CHST3: variants seen among roughly 807,000 people sequenced by gnomAD.
CHST3 encodes the protein carbohydrate sulfotransferase 3, also known as C6ST-1.
Under a neutral mutation model 35.4 loss-of-function variants are expected in CHST3, and 20 were observed. The observed-to-expected ratio is 0.57, with a 90% CI of 0.40 to 0.82. The LOEUF is 0.82. Ranked by LOEUF, CHST3 falls within the 40% of genes least tolerant of loss-of-function variation. The probability of loss-of-function intolerance (pLI) is 0.00; values close to 1 mark genes in which losing one functional copy is unlikely to be tolerated. For synonymous variants in CHST3, 334 were observed against 295.9 expected (o/e 1.13, Z -1.32); for missense variants, 693 against 670.1 (o/e 1.03, Z -0.38).
chr10:71,993,114 A>G (rs1839912923), intron 1 of CHST3, among the ~76,000 whole-genome samples: 1 of 152,168 alleles, frequency 6.6e-6, no homozygotes, highest in African/African-American at 2.4e-5. Flanking sequence ...TTCTCATCAC[A>G]TATCGTTAGT....
intron 1 of CHST3, among the ~76,000 whole-genome samples, chr10:72,000,236 C>G (rs1282848283): frequency 6.6e-6 from 1 of 152,210 alleles, no homozygotes; most frequent in Non-Finnish European, 1.5e-5. Context: ...TTCATTCATT[C>G]ATTCATTCAT....
Position 72,005,927 on chromosome 10 carries a change from G to A in CHST3, c.85G>A (p.Val29Ile), listed in dbSNP as rs751067074. ...KMRSKYALFLVFVVIVFVFIE... is the reference protein window; with the variant it reads ...KMRSKYALFLIFVVIVFVFIE... ...GAGAAGCAAATACGCCCTTTTCTTG[G>A]TTTTTGTGGTGATAGTTTTTGTCTT... Residue 29 changes from valine to isoleucine, a missense_variant, in exon 2 of 3, where the codon GTT (valine) becomes ATT (isoleucine). Transcript: ENST00000373115. 1 of 1,609,156 alleles carries A rather than the reference G, an allele frequency of 6.2e-7. No homozygotes were observed. Among genetic ancestry groups the A allele is most frequent in the African/African-American group, 1.3e-5 (1 of 74,794 alleles).
rs186511642 is a variant in CHST3 at position 71,964,884 on chromosome 10, C to T, written c.-108+190C>T. ...GCAGGCACCCACAACCCGCTGCAAC[C>T]GGATCACACCTGCCAGGTACACACA... On this transcript the variant is annotated intron_variant, in intron 1 of 2. Coordinates refer to ENST00000373115, the MANE Select transcript of CHST3 (RefSeq NM_004273.5). Among the ~76,000 whole-genome samples the T allele has an allele frequency of 1.4e-3, 210 of 152,332 alleles. 1 individual carries two copies. Among genetic ancestry groups the T allele is most frequent in the African/African-American group, 4.0e-3 (165 of 41,580 alleles).
intron 1 of CHST3, among the ~76,000 whole-genome samples, chr10:71,982,727 A>C (rs57849734): frequency 0.017 from 2,633 of 152,294 alleles, 77 homozygotes; most frequent in African/African-American, 0.059. Context: ...CAGCCTGGGC[A>C]ACAGAGCATG....
chr10:71,974,011 G>T (rs1169458048), intron 1 of CHST3, among the ~76,000 whole-genome samples: 1 of 152,210 alleles, frequency 6.6e-6, no homozygotes, highest in East Asian at 1.9e-4. Flanking sequence ...TGTGGCCGTG[G>T]CCAAGTTGCT....
intron 1 of CHST3, among the ~76,000 whole-genome samples, chr10:71,986,034 A>G (rs1045310217): frequency 6.6e-6 from 1 of 152,200 alleles, no homozygotes; most frequent in East Asian, 1.9e-4. Context: ...AATTCATCCA[A>G]GTTATTGTAT....
intron 1 of CHST3, among the ~76,000 whole-genome samples, chr10:72,000,985 G>A (rs533998129): frequency 2.0e-4 from 30 of 152,266 alleles, no homozygotes; most frequent in Non-Finnish European, 2.9e-4. Flanking sequence ...TGTGGACGCC[G>A]TCGGGAGCAT....
At chr10:71,979,360 T>C (rs1322254240) in intron 1 of CHST3, among the ~76,000 whole-genome samples, 1 of 152,038 alleles carries the variant, frequency 6.6e-6, no homozygotes, top group African/African-American at 2.4e-5. Flanking sequence ...TTTTTGTTTT[T>C]TTAGACGGAG....
rs565932286 is a variant in CHST3 at position 71,984,243 on chromosome 10, G to A, written c.-108+19549G>A. Among the ~76,000 whole-genome samples the A allele has an allele frequency of 1.2e-4, 18 of 152,212 alleles. No individual in the cohort carries two copies. The East Asian group carries it at 3.1e-3, about 26-fold the overall frequency. ...TCATCATGTTGTCCAGGCTGGGTTCGAACTCCTGACCTCAAGTGATCTGCC... is the reference window on the plus strand; with the variant it reads ...TCATCATGTTGTCCAGGCTGGGTTCAAACTCCTGACCTCAAGTGATCTGCC... On this transcript the variant is annotated intron_variant, in intron 1 of 2. Coordinates refer to ENST00000373115, the MANE Select transcript of CHST3 (RefSeq NM_004273.5).
chr10:72,007,558 C>G lies in CHST3; in HGVS notation c.527C>G (p.Pro176Arg), dbSNP rs201963050. The G allele has an allele frequency of 3.1e-6, 5 of 1,606,924 alleles. No homozygotes were observed. Among genetic ancestry groups the G allele is most frequent in the East Asian group, 4.5e-5 (2 of 44,868 alleles). Residue 176 changes from proline (P) to arginine (R), a missense_variant, in exon 3 of 3, where the codon CCG becomes CGG. By Grantham distance (103) the Pro-to-Arg change is moderately radical (BLOSUM62 -2). Transcript: ENST00000373115. Reference protein sequence around the residue: ...WHIERTVSFEPGGANAAGSAL... With the variant: ...WHIERTVSFERGGANAAGSAL... ...ATCGAGCGCACAGTGTCCTTCGAGCCGGGGGGCGCCAACGCCGCGGGCTCG... is the reference window on the plus strand; with the variant it reads ...ATCGAGCGCACAGTGTCCTTCGAGCGGGGGGGCGCCAACGCCGCGGGCTCG...
At chr10:72,005,206 C>A (rs989636730) in intron 1 of CHST3, among the ~76,000 whole-genome samples, 1 of 152,090 alleles carries the variant, frequency 6.6e-6, no homozygotes, top group African/African-American at 2.4e-5. Context: ...CAGGACAGTC[C>A]CCACTTACCT....
intron 1 of CHST3, among the ~76,000 whole-genome samples, chr10:71,965,396 G>T (rs940808418): frequency 2.6e-5 from 4 of 152,226 alleles, no homozygotes; most frequent in African/African-American, 9.6e-5. Flanking sequence ...GAAGGGTAGT[G>T]GCCGTGACAG....
chr10:71,997,230 C>T (rs1175881379), intron 1 of CHST3, among the ~76,000 whole-genome samples: 1 of 152,132 alleles, frequency 6.6e-6, no homozygotes, highest in East Asian at 1.9e-4. Context: ...CATCCCAGCC[C>T]CTGGCAGACA....
At chr10:71,986,618 G>A (rs539915678) in intron 1 of CHST3, among the ~76,000 whole-genome samples, 1 of 152,362 alleles carries the variant, frequency 6.6e-6, no homozygotes, top group Admixed American at 6.5e-5. Context: ...GTGTGCCCAG[G>A]CCCGAGGCCT....
intron 1 of CHST3, among the ~76,000 whole-genome samples, chr10:72,002,299 A>G (rs1840001713): frequency 6.6e-6 from 1 of 152,244 alleles, no homozygotes; most frequent in Non-Finnish European, 1.5e-5. Flanking sequence ...ACTTAAAAAA[A>G]GAAATAGTCC....
At chr10:71,966,725 G>A (rs1433515446) in intron 1 of CHST3, among the ~76,000 whole-genome samples, 1 of 152,086 alleles carries the variant, frequency 6.6e-6, no homozygotes, top group Non-Finnish European at 1.5e-5. Flanking sequence ...CGAGAGTTCT[G>A]TATACATTTT....
At position 72,008,739 on chromosome 10, in the gene CHST3, A is replaced by G; in HGVS notation, c.*268A>G. 2.1e-6 allele frequency: 1 copy of G among 466,486 alleles called. No homozygotes were observed. The highest frequency in any genetic ancestry group is 3.6e-6 in the Non-Finnish European group (1 of 277,326). 28.9% of individuals were successfully genotyped at this position (466,486 alleles called of 1,614,324 possible). ...CCTAGGCAGGCCCGGGCCTGTTGGC[A>G]AGCTTCGATCTCACACACACAGAAA... On this transcript the variant is annotated 3_prime_UTR_variant, in exon 3 of 3. Coordinates refer to ENST00000373115, the MANE Select transcript of CHST3 (RefSeq NM_004273.5).
chr10:71,967,142 A>G lies in CHST3; in HGVS notation c.-108+2448A>G, dbSNP rs540321237. ...CCCAGCCTCCCGAGTAGCTGGCACC[A>G]CCATGCCTGACTAATTTTTTTGTAT... On this transcript the variant is annotated intron_variant, in intron 1 of 2. Coordinates refer to ENST00000373115, the MANE Select transcript of CHST3 (RefSeq NM_004273.5). 2.0e-5 allele frequency among the ~76,000 whole-genome samples: 3 copies of G among 152,246 alleles called. No individual in the cohort carries two copies. In the East Asian group the frequency reaches 5.8e-4, roughly 29 times the overall value.
intron 1 of CHST3, among the ~76,000 whole-genome samples, chr10:71,991,642 C>G (rs1300764545): frequency 3.3e-5 from 5 of 152,132 alleles, no homozygotes; most frequent in African/African-American, 1.2e-4. Context: ...ATAAAATTTA[C>G]ATTTACACGG....
Sources: allele counts gnomAD v4.1 joint callset (sites outside exome capture counted in the v4.1 genomes callset), GRCh38; gene constraint gnomAD v4.1.1; transcripts MANE v1.5; gene names NCBI Gene and HGNC (gene_info 2026-07-23, HGNC 2026-07-21).